The following HIBADH variants were observed in gnomAD, a reference collection of about 807,000 sequenced individuals.
HIBADH encodes 3-hydroxyisobutyrate dehydrogenase.
In HIBADH, 25 loss-of-function variants were observed where a neutral mutation model predicts 36.1. The observed-to-expected ratio is 0.69, with a 90% confidence interval of 0.50 to 0.97. The LOEUF is 0.97. HIBADH is among the 50% of genes least tolerant of loss of function. The pLI is 0.00. For synonymous variants in HIBADH, 160 were observed against 149.5 expected, an observed-to-expected ratio of 1.07 and a Z score of -0.51; for missense variants, 421 against 418.0, an observed-to-expected ratio of 1.01 and a Z score of -0.06.
Position 27,588,839 on chromosome 7 carries a change from C to T in HIBADH, c.484+40532G>A, listed in dbSNP as rs1784900775. Among the ~76,000 whole-genome samples, 4 of 152,092 alleles carry T rather than the reference C, an allele frequency of 2.6e-5. No homozygotes were observed. The South Asian group carries it at 8.3e-4, about 32-fold the overall frequency. On this transcript the variant is annotated intron_variant, in intron 4 of 7. Transcript: ENST00000265395. ...TGATCAGAAATGAAAAAGTAGAGTG[C>T]CTATATGCTTGGCCTTAAACCCCTA...
intron 4 of HIBADH, among the ~76,000 whole-genome samples, chr7:27,619,001 T>C (rs1044610897): frequency 3.3e-5 from 5 of 152,088 alleles, no homozygotes; most frequent in African/African-American, 7.2e-5. Context: ...GGGGATTACA[T>C]ATCAACATGA....
chr7:27,634,316 A>G (rs1475914164), intron 2 of HIBADH, among the ~76,000 whole-genome samples: 1 of 152,204 alleles, frequency 6.6e-6, no homozygotes, highest in Non-Finnish European at 1.5e-5. Context: ...AGGACTTGCT[A>G]CAAATAATTC....
intron 1 of HIBADH, among the ~76,000 whole-genome samples, chr7:27,661,515 G>A (rs2128298538): frequency 6.8e-6 from 1 of 146,484 alleles, no homozygotes; most frequent in Non-Finnish European, 1.5e-5. Context: ...CTGAGCCCAG[G>A]AGGTCGAGAC....
chr7:27,567,699 A>C (rs71532940), intron 4 of HIBADH, among the ~76,000 whole-genome samples: 2 of 151,710 alleles, frequency 1.3e-5, no homozygotes, highest in African/African-American at 4.8e-5. Flanking sequence ...TATACATACT[A>C]AAGTTTTCAT....
At chr7:27,653,407 CA>C (rs1786234412) in intron 1 of HIBADH, among the ~76,000 whole-genome samples, 1 of 152,058 alleles carries the variant, frequency 6.6e-6, no homozygotes, top group Non-Finnish European at 1.5e-5. Context: ...TATGAACTGT[CA>C]ATGAGCTGAA....
chr7:27,588,872 A>G (rs1376683870), intron 4 of HIBADH, among the ~76,000 whole-genome samples: 4 of 152,170 alleles, frequency 2.6e-5, no homozygotes, highest in African/African-American at 9.7e-5. Flanking sequence ...CTAAAATCCA[A>G]TTGTTTAGGA....
At chr7:27,653,957 C>T (rs1480787375) in intron 1 of HIBADH, among the ~76,000 whole-genome samples, 1 of 152,100 alleles carries the variant, frequency 6.6e-6, no homozygotes, top group Non-Finnish European at 1.5e-5. Context: ...CAACCCTAAG[C>T]TGAAACAGAT....
chr7:27,537,169 C>A (rs114730862), intron 6 of HIBADH, among the ~76,000 whole-genome samples: 1 of 152,264 alleles, frequency 6.6e-6, no homozygotes, highest in African/African-American at 2.4e-5. Flanking sequence ...TTTATTAAGG[C>A]TCTGTACAGA....
chr7:27,652,067 C>A (rs1459982253), intron 1 of HIBADH, among the ~76,000 whole-genome samples: 2 of 152,082 alleles, frequency 1.3e-5, no homozygotes, highest in African/African-American at 4.8e-5. Context: ...TACTACATGC[C>A]AGACACTATG....
intron 4 of HIBADH, among the ~76,000 whole-genome samples, chr7:27,597,827 T>C (rs935781934): frequency 1.6e-4 from 24 of 152,208 alleles, no homozygotes; most frequent in African/African-American, 4.8e-4. Context: ...GATCAAATTT[T>C]GATTACCTGT....
chr7:27,633,312 A>G (rs1056539679), intron 2 of HIBADH, among the ~76,000 whole-genome samples: 1 of 152,132 alleles, frequency 6.6e-6, no homozygotes, highest in Non-Finnish European at 1.5e-5. Flanking sequence ...ACTGGCAACC[A>G]AAGAGGTCAG....
chr7:27,653,817 CA>C (rs1786245611), intron 1 of HIBADH, among the ~76,000 whole-genome samples: 1 of 151,792 alleles, frequency 6.6e-6, no homozygotes, highest in South Asian at 2.1e-4. Context: ...CCATTTGTCT[CA>C]AAAGTTAAGA....
At chr7:27,644,513 T>C (rs1197903531) in intron 2 of HIBADH, among the ~76,000 whole-genome samples, 9 of 151,652 alleles carry the variant, frequency 5.9e-5, no homozygotes, top group African/African-American at 1.2e-4. Context: ...GACAGGAGAA[T>C]TGCTTGAACC....
Position 27,526,300 on chromosome 7 carries a change from T to A in HIBADH, c.925A>T (p.Ile309Phe). 3 of 1,613,792 alleles carry A rather than the reference T, an allele frequency of 1.9e-6. No homozygotes were observed. Among genetic ancestry groups the A allele is most frequent in the Non-Finnish European group, 2.5e-6 (3 of 1,179,860 alleles). Residue 309 changes from isoleucine (I) to phenylalanine (F), a missense_variant, in exon 8 of 8, where the codon ATC becomes TTC. By Grantham distance (21) the Ile-to-Phe change is conservative. Transcript: ENST00000265395. The part of the protein sequence containing the change: ...PILLGSLAHQ[I>F]YRMMCAKGYS... The stretch of plus-strand genomic sequence containing the variant: ...CCCTTTGCACACATCATCCTGTAGA[T>A]CTGATGGGCCAGACTGCCAAGAAGG...
At chr7:27,645,194 A>C (rs1374319060) in intron 2 of HIBADH, among the ~76,000 whole-genome samples, 1 of 151,926 alleles carries the variant, frequency 6.6e-6, no homozygotes, top group East Asian at 1.9e-4. Context: ...GGGTCATGGC[A>C]TAATTCTAAA....
At chr7:27,564,783 A>G (rs763340683) in intron 4 of HIBADH, among the ~76,000 whole-genome samples, 5 of 152,190 alleles carry the variant, frequency 3.3e-5, no homozygotes, top group Admixed American at 6.5e-5. Context: ...CACTTCATTT[A>G]TTTAGGTCTT....
chr7:27,645,373 T>G lies in HIBADH; in HGVS notation c.252+4100A>C, dbSNP rs1431316425. Among the ~76,000 whole-genome samples the G allele has an allele frequency of 1.2e-4, 15 of 120,984 alleles. 2 individuals carry two copies. The highest frequency in any genetic ancestry group is 1.9e-4 in the Non-Finnish European group (11 of 58,960). The allele number at this position is 120,984 out of a possible 152,430, so 79.4% of individuals were successfully genotyped here. On this transcript the variant is annotated intron_variant, in intron 2 of 7. Transcript: ENST00000265395. Reference sequence around the variant, plus strand: ...GGGTGTGTCTCATGGTTTTGATTTTTTTTTTTTTTTTTTTTTTTTTTTGAG... The same window carrying G: ...GGGTGTGTCTCATGGTTTTGATTTTGTTTTTTTTTTTTTTTTTTTTTTGAG...
At chr7:27,566,419 A>G (rs1173812520) in intron 4 of HIBADH, among the ~76,000 whole-genome samples, 1 of 151,662 alleles carries the variant, frequency 6.6e-6, no homozygotes, top group Non-Finnish European at 1.5e-5. Context: ...AATTTATGTC[A>G]ATTGAGTTCC....
At chr7:27,562,743 C>T (rs1458534816) in intron 4 of HIBADH, among the ~76,000 whole-genome samples, 1 of 152,156 alleles carries the variant, frequency 6.6e-6, no homozygotes, top group African/African-American at 2.4e-5. Context: ...TGGGTATGAG[C>T]CACCACACTC....
Sources: allele counts gnomAD v4.1 joint callset (sites outside exome capture counted in the v4.1 genomes callset), GRCh38; gene constraint gnomAD v4.1.1; transcripts MANE v1.5; gene names NCBI Gene and HGNC (gene_info 2026-07-23, HGNC 2026-07-21).